Variants in ACMSD observed in about 807,000 individuals in gnomAD.
ACMSD encodes aminocarboxymuconate semialdehyde decarboxylase.
In ACMSD, 37 loss-of-function variants were observed where a neutral mutation model predicts 45.9. The ratio of observed to expected loss-of-function variants is 0.81; its 90% CI spans 0.62 to 1.06. ACMSD has a LOEUF of 1.06. Ranked by LOEUF, ACMSD falls within the 50% of genes least tolerant of loss-of-function variation. ACMSD has a pLI of 0.00. For missense variants in ACMSD, 434 were observed against 420.9 expected (o/e 1.03, Z -0.27); for synonymous variants, 138 against 148.8 (o/e 0.93, Z 0.53).
chr2:134,865,684 G>A (rs1452632074), intron 5 of ACMSD, among the ~76,000 whole-genome samples: 2 of 152,168 alleles, frequency 1.3e-5, no homozygotes, highest in Admixed American at 6.6e-5. Context: ...AGCCAGGTTG[G>A]CTTTGTCATC....
intron 6 of ACMSD, among the ~76,000 whole-genome samples, chr2:134,868,653 A>G (rs1182312822): frequency 6.6e-6 from 1 of 151,886 alleles, no homozygotes; most frequent in African/African-American, 2.4e-5. Context: ...GGGTTTCACC[A>G]TGTTGGCCAG....
At chr2:134,875,062 G>A (rs573045884) in intron 8 of ACMSD, among the ~76,000 whole-genome samples, 35 of 152,304 alleles carry the variant, frequency 2.3e-4, no homozygotes, top group South Asian at 4.1e-4. Flanking sequence ...GCGCAGTGGC[G>A]TGATCACAGC....
intron 2 of ACMSD, among the ~76,000 whole-genome samples, chr2:134,851,142 G>A (rs1687323161): frequency 1.3e-5 from 2 of 152,102 alleles, no homozygotes; most frequent in Non-Finnish European, 2.9e-5. Flanking sequence ...ATTTTTTATG[G>A]CTGCATGGTA....
At chr2:134,848,944 A>G (rs977064364) in intron 2 of ACMSD, among the ~76,000 whole-genome samples, 1 of 152,188 alleles carries the variant, frequency 6.6e-6, no homozygotes, top group African/African-American at 2.4e-5. Flanking sequence ...GTGCCAATTC[A>G]AACACTGTGC....
intron 3 of ACMSD, among the ~76,000 whole-genome samples, chr2:134,860,857 A>C (rs1687814550): frequency 2.1e-5 from 1 of 46,830 alleles, no homozygotes; most frequent in African/African-American, 1.1e-4. Context: ...CTGTCTCCAC[A>C]AAAAAAAAAA....
At chr2:134,876,428 T>A (rs913601113) in intron 8 of ACMSD, among the ~76,000 whole-genome samples, 1 of 151,924 alleles carries the variant, frequency 6.6e-6, no homozygotes, top group Admixed American at 6.6e-5. Context: ...TAAAGAGAAT[T>A]TTTTTTTGCT....
intron 2 of ACMSD, among the ~76,000 whole-genome samples, chr2:134,858,631 A>G (rs911181134): frequency 1.3e-5 from 2 of 152,138 alleles, no homozygotes; most frequent in African/African-American, 4.8e-5. Flanking sequence ...GCATAAATAT[A>G]TGCAATTTTT....
chr2:134,845,604 G>T (rs1486245693), intron 2 of ACMSD, among the ~76,000 whole-genome samples: 1 of 139,142 alleles, frequency 7.2e-6, no homozygotes, highest in Non-Finnish European at 1.5e-5. Context: ...TGCTCTGCCT[G>T]GAGGAAGTGA....
At position 134,902,017 on chromosome 2, in the gene ACMSD, G is replaced by A. The variant is rs917534838; in HGVS notation, c.*157G>A. The A allele has an allele frequency of 6.3e-6, 3 of 474,436 alleles. No individual in the cohort carries two copies. Among genetic ancestry groups the A allele is most frequent in the African/African-American group, 2.0e-5 (1 of 50,104 alleles). The allele number at this position is 474,436 out of a possible 1,614,324, so 29.4% of individuals were successfully genotyped here. A position where few individuals can be genotyped will look rare whatever the true frequency, so the allele number is the denominator to read the frequency against. On this transcript the variant is annotated 3_prime_UTR_variant, in exon 10 of 10. Transcript: ENST00000356140. ...TATTCATAATAAAAATGATTTGTAA[G>A]TGTTTTCATTCTGAAAAGCAGTACA...
chr2:134,864,419 C>T (rs965154170), intron 5 of ACMSD, among the ~76,000 whole-genome samples: 1 of 152,206 alleles, frequency 6.6e-6, no homozygotes, highest in Non-Finnish European at 1.5e-5. Flanking sequence ...TGAGTAGCCA[C>T]TGTTACCATA....
chr2:134,856,901 T>C (rs1373566552), intron 2 of ACMSD, among the ~76,000 whole-genome samples: 1 of 111,056 alleles, frequency 9.0e-6, no homozygotes, highest in Non-Finnish European at 1.8e-5. Flanking sequence ...ACATGAAATG[T>C]ATGGTTTTTT....
rs1690521243 is a variant in ACMSD at position 134,901,870 on chromosome 2, C to T, written c.*10C>T. The T allele has an allele frequency of 1.3e-6, 2 of 1,588,128 alleles. No homozygotes were observed. Among genetic ancestry groups the T allele is most frequent in the South Asian group, 1.1e-5 (1 of 87,188 alleles). The stretch of plus-strand genomic sequence containing the variant: ...AAAACAATTTGAATGACTGAATTTA[C>T]TACAAAGGCAAACTTTCAAAAGGAT... On this transcript the variant is annotated 3_prime_UTR_variant, in exon 10 of 10. Coordinates refer to ENST00000356140, the MANE Select transcript of ACMSD (RefSeq NM_138326.3).
intron 2 of ACMSD, among the ~76,000 whole-genome samples, chr2:134,856,621 A>T (rs1687589933): frequency 1.3e-5 from 2 of 152,148 alleles, no homozygotes; most frequent in African/African-American, 4.8e-5. Context: ...GGCCATTTGT[A>T]TATCTATTCT....
chr2:134,871,163 G>A (rs1688416766), intron 7 of ACMSD, 103 bp downstream of exon 7: 5 of 1,054,970 alleles, frequency 4.7e-6, no homozygotes, highest in African/African-American at 1.6e-5. Flanking sequence ...AGTCCTGGAG[G>A]CTAGAAGTCC....
intron 8 of ACMSD, 180 bp downstream of exon 8, chr2:134,872,821 C>T: frequency 3.1e-6 from 2 of 653,502 alleles, no homozygotes; most frequent in Non-Finnish European, 5.2e-6. Context: ...CCAGGGTCTC[C>T]CTCCACACAG....
chr2:134,881,632 T>C (rs1047879651), intron 8 of ACMSD, among the ~76,000 whole-genome samples: 5 of 152,184 alleles, frequency 3.3e-5, no homozygotes, highest in Non-Finnish European at 7.3e-5. Context: ...TAAAGAAAGA[T>C]TTGAATATAC....
intron 2 of ACMSD, among the ~76,000 whole-genome samples, chr2:134,852,825 G>A (rs1039061911): frequency 2.6e-5 from 4 of 152,054 alleles, no homozygotes; most frequent in African/African-American, 7.2e-5. Context: ...GGCACTAGGG[G>A]GATGGGGAGG....
intron 5 of ACMSD, among the ~76,000 whole-genome samples, chr2:134,867,148 A>G (rs1261664049): frequency 6.6e-6 from 1 of 152,240 alleles, no homozygotes; most frequent in Non-Finnish European, 1.5e-5. Context: ...CCCTGACTCC[A>G]AGGATACAAT....
intron 6 of ACMSD, among the ~76,000 whole-genome samples, chr2:134,868,313 C>A (rs1164394836): frequency 6.6e-6 from 1 of 152,174 alleles, no homozygotes; most frequent in Non-Finnish European, 1.5e-5. Flanking sequence ...TTTGCTCTAT[C>A]CAATCTCTCA....
Sources: allele counts gnomAD v4.1 joint callset (sites outside exome capture counted in the v4.1 genomes callset), GRCh38; gene constraint gnomAD v4.1.1; transcripts MANE v1.5; gene names NCBI Gene and HGNC (gene_info 2026-07-23, HGNC 2026-07-21).